The following G3BP2 variants were observed in gnomAD, a reference collection of about 807,000 sequenced individuals.
The protein encoded by G3BP2 is G3BP stress granule assembly factor 2, also known as ras GTPase-activating protein-binding protein 2.
G3BP2 carries 11 observed loss-of-function variants against 56.7 expected under a neutral mutation model. That is an observed-to-expected ratio of 0.19 (90% CI 0.12 to 0.32). G3BP2 has a LOEUF of 0.32. Among genes scored for constraint, G3BP2 ranks in the 10% least tolerant of loss-of-function variants. G3BP2 has a pLI of 1.00. For synonymous variants in G3BP2, 165 were observed against 191.6 expected, an observed-to-expected ratio of 0.86 and a Z score of 1.15; for missense variants, 340 against 610.9, an observed-to-expected ratio of 0.56 and a Z score of 4.67.
intron 3 of G3BP2, among the ~76,000 whole-genome samples, chr4:75,696,206 G>C (rs1719114812): frequency 6.6e-6 from 1 of 152,164 alleles, no homozygotes; most frequent in Admixed American, 6.5e-5. Flanking sequence ...GGTTAAGAGA[G>C]TAGGTGTTGA....
intron 3 of G3BP2, among the ~76,000 whole-genome samples, chr4:75,701,030 A>G (rs1381022852): frequency 6.6e-6 from 1 of 150,650 alleles, no homozygotes; most frequent in African/African-American, 2.4e-5. Context: ...TTTAATAGAG[A>G]CAGGGTTTTA....
intron 3 of G3BP2, among the ~76,000 whole-genome samples, chr4:75,710,892 A>G (rs1719729333): frequency 6.6e-6 from 1 of 151,732 alleles, no homozygotes; most frequent in Non-Finnish European, 1.5e-5. Context: ...TTGAAATCCT[A>G]GCTTCAGGCA....
At chr4:75,663,031 T>C (rs1732691680) in intron 1 of G3BP2, among the ~76,000 whole-genome samples, 1 of 152,236 alleles carries the variant, frequency 6.6e-6, no homozygotes, top group South Asian at 2.1e-4. Context: ...TTTGATATTA[T>C]GTCTCTCTTT....
chr4:75,685,915 T>C (rs947445057), intron 3 of G3BP2, among the ~76,000 whole-genome samples: 4 of 151,892 alleles, frequency 2.6e-5, no homozygotes, highest in African/African-American at 7.3e-5. Flanking sequence ...AGAAGAAAAA[T>C]GTCCAGTGTA....
At chr4:75,704,166 G>A (rs933237616) in intron 3 of G3BP2, among the ~76,000 whole-genome samples, 12 of 151,706 alleles carry the variant, frequency 7.9e-5, no homozygotes, top group African/African-American at 2.7e-4. Context: ...TTACAGGCAC[G>A]CGCCACCATG....
chr4:75,655,292 G>GA (rs1732008255), intron 6 of G3BP2, 46 bp from the exon 7 acceptor site: 2 of 1,394,856 alleles, frequency 1.4e-6, no homozygotes, highest in South Asian at 1.2e-5. Flanking sequence ...GTTCAAGTAA[G>GA]AAAAAATTCA....
intron 7 of G3BP2, among the ~76,000 whole-genome samples, chr4:75,654,472 G>C (rs1287942390): frequency 1.3e-5 from 2 of 152,206 alleles, no homozygotes; most frequent in Non-Finnish European, 2.9e-5. Context: ...GGAAAGAAGA[G>C]AGTATTAGCT....
At chr4:75,720,872 C>T (rs918711277) in intron 3 of G3BP2, among the ~76,000 whole-genome samples, 21 of 147,214 alleles carry the variant, frequency 1.4e-4, no homozygotes, top group East Asian at 6.3e-4. Flanking sequence ...GCAGTTGGCT[C>T]ACACCTGCAA....
chr4:75,650,426 C>CAAAAAA (rs1220235661), intron 8 of G3BP2, among the ~76,000 whole-genome samples: 1,057 of 75,478 alleles, frequency 0.014, 33 homozygotes, highest in African/African-American at 0.021. Context: ...AACTCCATCT[C>CAAAAAA]AAAAAAAAAA....
intron 3 of G3BP2, among the ~76,000 whole-genome samples, chr4:75,700,889 A>C (rs1420903479): frequency 3.3e-5 from 5 of 152,010 alleles, no homozygotes; most frequent in Non-Finnish European, 5.9e-5. Context: ...ACCAGGCTGG[A>C]ATGCAATGGT....
At chr4:75,675,470 A>G (rs935204269), upstream of G3BP2, among the ~76,000 whole-genome samples, 1 of 152,174 alleles carries the variant, frequency 6.6e-6, no homozygotes, top group African/African-American at 2.4e-5. Flanking sequence ...TGATGGTGCT[A>G]CTGCTGCTCT....
intron 3 of G3BP2, among the ~76,000 whole-genome samples, chr4:75,692,879 G>A (rs1460262688): frequency 2.0e-5 from 3 of 152,288 alleles, no homozygotes; most frequent in African/African-American, 4.8e-5. Context: ...CCTGCAGGCC[G>A]CACCCAGCTC....
upstream of G3BP2, among the ~76,000 whole-genome samples, chr4:75,675,634 A>T (rs1196597025): frequency 1.3e-5 from 2 of 152,226 alleles, no homozygotes; most frequent in African/African-American, 4.8e-5. Flanking sequence ...CTCTACTAAA[A>T]ATACAAAATT....
chr4:75,674,720 T>A (rs4637429), upstream of G3BP2, among the ~76,000 whole-genome samples: 513 of 54,414 alleles, frequency 9.4e-3, 1 homozygote, highest in African/African-American at 0.017. Flanking sequence ...ATATATATAT[T>A]TTTTTTTTTT....
At chr4:75,679,473 T>C (rs915761796) in intron 3 of G3BP2, among the ~76,000 whole-genome samples, 1 of 152,208 alleles carries the variant, frequency 6.6e-6, no homozygotes. Context: ...TGTGAGTGTG[T>C]AAAATATGTC....
intron 3 of G3BP2, among the ~76,000 whole-genome samples, chr4:75,690,433 C>CA (rs34459285): frequency 0.28 from 35,638 of 126,880 alleles, 4,514 homozygotes; most frequent in Middle Eastern, 0.4. Context: ...ACTCCATCTC[C>CA]AAAAAAAAAA....
chr4:75,683,338 G>A (rs966903657), intron 3 of G3BP2, among the ~76,000 whole-genome samples: 2 of 152,136 alleles, frequency 1.3e-5, no homozygotes, highest in Admixed American at 6.5e-5. Context: ...AAGGCGGGCA[G>A]ATCACCTGAG....
rs1297671234 is a variant in G3BP2, at chr4:75,644,721, A to T, written c.*709T>A. 1 of 152,662 alleles carries T rather than the reference A, an allele frequency of 6.6e-6. No homozygotes were observed. Among genetic ancestry groups the T allele is most frequent in the East Asian group, 1.9e-4 (1 of 5,200 alleles). The allele number at this position is 152,662 out of a possible 1,614,324, so 9.5% of individuals were successfully genotyped here. A position where few individuals can be genotyped will look rare whatever the true frequency, so the allele number is the denominator to read the frequency against. ...TACTAAATCTGGTCTAATAGTCAAG[A>T]CCATCGCATTTGAAGTTCTAATTTT... On this transcript the variant is annotated 3_prime_UTR_variant, in exon 12 of 12. Coordinates refer to ENST00000359707, the MANE Select transcript of G3BP2 (RefSeq NM_203505.3).
At chr4:75,719,016 G>GT (rs1577907982) in intron 3 of G3BP2, among the ~76,000 whole-genome samples, 2 of 152,308 alleles carry the variant, frequency 1.3e-5, no homozygotes, top group East Asian at 3.9e-4. Flanking sequence ...TAGTAGGGCT[G>GT]GAGTTGAAGA....
Sources: gnomAD v4.1 joint callset for allele counts (sites outside exome capture counted in the v4.1 genomes callset) on GRCh38, gnomAD v4.1.1 for gene constraint, MANE v1.5 for transcripts, NCBI Gene and HGNC (gene_info 2026-07-23, HGNC 2026-07-21) for gene names.